The following SLC34A1 variants were observed in gnomAD, a reference collection of about 807,000 sequenced individuals.
The protein encoded by SLC34A1 is solute carrier family 34 member 1, also known as sodium-dependent phosphate transport protein 2A.
A neutral mutation model predicts 51.4 loss-of-function variants in SLC34A1; 57 were observed. The ratio of observed to expected loss-of-function variants is 1.11; its 90% CI spans 0.90 to 1.38. SLC34A1 has a LOEUF of 1.38. SLC34A1 is among the 40% of genes most tolerant of loss of function. SLC34A1 has a pLI of 0.00. For synonymous variants in SLC34A1, 368 were observed against 358.0 expected, an observed-to-expected ratio of 1.03 and a Z score of -0.32; for missense variants, 796 against 835.6, an observed-to-expected ratio of 0.95 and a Z score of 0.58.
In SLC34A1 at chr5:177,398,525, C is replaced by T; in HGVS notation, c.*239C>T. 1.6e-6 allele frequency: 1 copy of T among 610,838 alleles called. No individual in the cohort carries two copies. The highest frequency in any genetic ancestry group is 3.0e-6 in the Non-Finnish European group (1 of 335,896). The allele number at this position is 610,838 out of a possible 1,614,324, so 37.8% of individuals were successfully genotyped here. ...TTGTATTTGTGTACAGGTGTGCCAG[C>T]CCATGCAGGTGTACACAGACACACC... On this transcript the variant is annotated 3_prime_UTR_variant, in exon 13 of 13. Transcript: ENST00000324417. This position sits in a 1 kb window ranked among gnomAD's most constrained non-coding sequence, Gnocchi z 4.7.
intron 10 of SLC34A1, among the ~76,000 whole-genome samples, chr5:177,395,547 C>A (rs1273235516): frequency 1.3e-5 from 2 of 152,286 alleles, no homozygotes; most frequent in Admixed American, 1.3e-4. Context: ...GGTCTCCAGG[C>A]TCTGCTCAGA....
At position 177,386,192 on chromosome 5, in the gene SLC34A1, C is replaced by A; in HGVS notation, c.260-29C>A. The A allele has an allele frequency of 3.1e-6, 5 of 1,614,094 alleles. No individual in the cohort carries two copies. The highest frequency in any genetic ancestry group is 4.2e-6 in the Non-Finnish European group (5 of 1,180,016). On this transcript the variant is annotated intron_variant, in intron 3 of 12. Coordinates refer to ENST00000324417, the MANE Select transcript of SLC34A1 (RefSeq NM_003052.5). The surrounding 1 kb of genome is among the most constrained non-coding windows in gnomAD (Gnocchi z 4.8). The stretch of plus-strand genomic sequence containing the variant: ...CAGCAGTCCCTGCCCTGGCCTCTGC[C>A]CACTATGCTCATGGCTTCCCCCATC...
intron 10 of SLC34A1, 41 bp downstream of exon 10, chr5:177,394,236 G>A (rs6556315): frequency 1.2e-6 from 2 of 1,602,740 alleles, no homozygotes; most frequent in African/African-American, 1.3e-5. Flanking sequence ...CACAGGATGG[G>A]CCTTTCCAGA....
rs1258291227 is a variant in SLC34A1, at chr5:177,386,502, G to C, written c.468G>C (p.Val156=). 1.2e-6 allele frequency: 2 copies of C among 1,614,076 alleles called. No homozygotes were observed. The highest frequency in any genetic ancestry group is 1.1e-5 in the South Asian group (1 of 91,080). The stretch of plus-strand genomic sequence containing the variant: ...CCGGGCTGGTGGTGGGGATCCTGGT[G>C]ACCGTGCTGGTGCAGAGCTCCAGCA... ...PVAGLVVGIL[V]TVLVQSSSTS... is the part of the protein sequence containing the mutation. Residue 156 remains valine, a synonymous_variant, in exon 5 of 13, where the codon GTG becomes GTC. Coordinates refer to ENST00000324417, the MANE Select transcript of SLC34A1 (RefSeq NM_003052.5). The surrounding 1 kb of genome is among the most constrained non-coding windows in gnomAD (Gnocchi z 4.8).
chr5:177,384,838 G>C (rs1357075632), intron 1 of SLC34A1, among the ~76,000 whole-genome samples: 1 of 151,188 alleles, frequency 6.6e-6, no homozygotes, highest in Non-Finnish European at 1.5e-5. Flanking sequence ...CTCCAGCCTG[G>C]GCGGTAAGAG....
chr5:177,387,706 G>T, intron 5 of SLC34A1, 56 bp from the exon 6 acceptor site: 1 of 1,415,136 alleles, frequency 7.1e-7, no homozygotes, highest in Non-Finnish European at 1.0e-6. Context: ...AGGAGTTGTG[G>T]TGGTGCAGGA....
At chr5:177,385,094 T>C (rs1762513307) in intron 1 of SLC34A1, among the ~76,000 whole-genome samples, 1 of 152,032 alleles carries the variant, frequency 6.6e-6, no homozygotes, top group Non-Finnish European at 1.5e-5. Flanking sequence ...AGGAATTCAT[T>C]GTGAGGGGAA....
At position 177,387,820 on chromosome 5, in the gene SLC34A1, C is replaced by G; in HGVS notation, c.591C>G (p.Val197=). 1 of 1,613,834 alleles carries G rather than the reference C, an allele frequency of 6.2e-7. No homozygotes were observed. The highest frequency in any genetic ancestry group is 8.5e-7 in the Non-Finnish European group (1 of 1,179,976). The change falls in exon 6 of 13, where the codon GTC becomes GTG. Residue 197 remains valine (V), a synonymous_variant. Transcript: ENST00000324417. ...TGGGCTCCAACATCGGCACCTCTGT[C>G]ACCAACACCATCGTGGCCCTGATGC... The part of the protein sequence containing the change: ...IIMGSNIGTS[V]TNTIVALMQA...
At position 177,397,051 on chromosome 5, in the gene SLC34A1, G is replaced by A. The variant is rs773427552; in HGVS notation, c.1393G>A (p.Glu465Lys). The A allele has an allele frequency of 6.2e-7, 1 of 1,613,678 alleles. No homozygotes were observed. Among genetic ancestry groups the A allele is most frequent in the African/African-American group, 1.3e-5 (1 of 74,946 alleles). ...CCTGGCTGCCCTGGCCAGCCCCAGG[G>A]AGAAGCTGTCCAGCGCTTTCCAGGT... ...AILAALASPR[E>K]KLSSAFQIAL... Residue 465 changes from glutamate (E) to lysine (K), a missense_variant, in exon 12 of 13, where the codon GAG becomes AAG. Transcript: ENST00000324417.
At position 177,386,297 on chromosome 5, in the gene SLC34A1, C is replaced by A; in HGVS notation, c.336C>A (p.Tyr112Ter). The A allele has an allele frequency of 1.2e-6, 2 of 1,614,260 alleles. No individual in the cohort carries two copies. Among genetic ancestry groups the A allele is most frequent in the South Asian group, 1.1e-5 (1 of 91,090 alleles). The change falls in exon 4 of 13, where the codon TAC (tyrosine) becomes TAA (stop). Residue 112 changes from tyrosine (Y) to a stop codon, truncating the protein, a stop_gained. Transcript: ENST00000324417. LOFTEE classifies it high-confidence loss of function. The surrounding 1 kb of genome is among the most constrained non-coding windows in gnomAD (Gnocchi z 4.8). ...TGCCACTGATGCTCACCTTCCTCTA[C>A]CTCTTCGTCTGCTCCCTGGACATGC... ...LKVPLMLTFL[Y>*]LFVCSLDMLS...
chr5:177,398,385 C>T lies in SLC34A1; in HGVS notation c.*99C>T. On this transcript the variant is annotated 3_prime_UTR_variant, in exon 13 of 13. Coordinates refer to ENST00000324417, the MANE Select transcript of SLC34A1 (RefSeq NM_003052.5). The surrounding 1 kb of genome is among the most constrained non-coding windows in gnomAD (Gnocchi z 4.7). ...GGTATGTGCATGTGCCTGTGCCACC[C>T]TGGGTGCCAGTCTCTCCTTCTGTAG... 1 of 1,404,892 alleles carries T rather than the reference C, an allele frequency of 7.1e-7. No individual in the cohort carries two copies. 87.0% of individuals were successfully genotyped at this position (1,404,892 alleles called of 1,614,324 possible).
At chr5:177,387,617 T>C (rs1762633106) in intron 5 of SLC34A1, 145 bp from the exon 6 acceptor site, 6 of 736,724 alleles carry the variant, frequency 8.1e-6, no homozygotes, top group Non-Finnish European at 1.2e-5. Flanking sequence ...CACATGCACC[T>C]GTGACGCCAA....
Position 177,397,066 on chromosome 5 carries a change from G to T in SLC34A1, c.1408G>T (p.Ala470Ser). The stretch of plus-strand genomic sequence containing the variant: ...CAGCCCCAGGGAGAAGCTGTCCAGC[G>T]CTTTCCAGGTGCGCTGGGAGTGTAG... ...LASPREKLSS[A>S]FQIALCHFFF... The change falls in exon 12 of 13, where the codon GCT (alanine) becomes TCT (serine). Residue 470 changes from alanine (A) to serine (S), a missense_variant. Coordinates refer to ENST00000324417, the MANE Select transcript of SLC34A1 (RefSeq NM_003052.5). 2 of 1,613,334 alleles carry T rather than the reference G, an allele frequency of 1.2e-6. No individual in the cohort carries two copies. The highest frequency in any genetic ancestry group is 1.7e-6 in the Non-Finnish European group (2 of 1,179,988).
intron 1 of SLC34A1, 23 bp from the exon 2 acceptor site, chr5:177,385,672 C>T (rs1581633578): frequency 1.9e-5 from 22 of 1,148,080 alleles, no homozygotes; most frequent in South Asian, 1.2e-4. Flanking sequence ...ATGAGTGTCC[C>T]GGACACAGCT....
chr5:177,386,608 C>A lies in SLC34A1; in HGVS notation c.532+42C>A, dbSNP rs747102698. 3.1e-6 allele frequency: 5 copies of A among 1,611,188 alleles called. No homozygotes were observed. The highest frequency in any genetic ancestry group is 1.7e-4 in the Middle Eastern group (1 of 5,996). ...GGGTGGGGAAGAGCTTGGAGGGGCA[C>A]CCCAGGAGCTGGGAAGGGTGGCAAA... is the stretch of plus-strand genomic sequence containing the variant. On this transcript the variant is annotated intron_variant, in intron 5 of 12. Transcript: ENST00000324417. The surrounding 1 kb of genome is among the most constrained non-coding windows in gnomAD (Gnocchi z 4.8).
At chr5:177,391,915 G>T (rs1168250479) in intron 8 of SLC34A1, among the ~76,000 whole-genome samples, 1 of 152,170 alleles carries the variant, frequency 6.6e-6, no homozygotes, top group Non-Finnish European at 1.5e-5. Context: ...ACTCAGATCT[G>T]CCTAACAGCA....
At position 177,387,813 on chromosome 5, in the gene SLC34A1, C is replaced by G; in HGVS notation, c.584C>G (p.Thr195Ser). The change falls in exon 6 of 13, where the codon ACC (threonine) becomes AGC (serine). Residue 195 changes from threonine (T) to serine (S), a missense_variant. Transcript: ENST00000324417. Reference sequence around the variant, plus strand: ...ATCATCATGGGCTCCAACATCGGCACCTCTGTCACCAACACCATCGTGGCC... The same window carrying G: ...ATCATCATGGGCTCCAACATCGGCAGCTCTGTCACCAACACCATCGTGGCC... The part of the protein sequence containing the change: ...IPIIMGSNIG[T>S]SVTNTIVALM... 1 of 1,613,966 alleles carries G rather than the reference C, an allele frequency of 6.2e-7. No individual in the cohort carries two copies. Among genetic ancestry groups the G allele is most frequent in the Non-Finnish European group, 8.5e-7 (1 of 1,179,988 alleles).
In SLC34A1 at chr5:177,387,099, A is replaced by G. The variant is rs564359620; in HGVS notation, c.532+533A>G. On this transcript the variant is annotated intron_variant, in intron 5 of 12. Coordinates refer to ENST00000324417, the MANE Select transcript of SLC34A1 (RefSeq NM_003052.5). The stretch of plus-strand genomic sequence containing the variant: ...AAACTAACCATCACTGGCCGGGCGC[A>G]GTGGCTCATGCCTGTAATCCCAGCA... 1.4e-3 allele frequency among the ~76,000 whole-genome samples: 214 copies of G among 152,068 alleles called. 1 individual carries two copies. Among genetic ancestry groups the G allele is most frequent in the African/African-American group, 3.6e-3 (150 of 41,500 alleles).
At chr5:177,389,982 C>CA in intron 8 of SLC34A1, 2 of 1,377,574 alleles carry the variant, frequency 1.5e-6, no homozygotes, top group South Asian at 3.3e-5. Flanking sequence ...CCCAAGCTCT[C>CA]ACTTTCATCC....
Sources: gnomAD v4.1 joint callset for allele counts (sites outside exome capture counted in the v4.1 genomes callset) on GRCh38, gnomAD v4.1.1 for gene constraint, Gnocchi (gnomAD v3.1) non-coding constraint, MANE v1.5 for transcripts, NCBI Gene and HGNC (gene_info 2026-07-23, HGNC 2026-07-21) for gene names.